Variants in GRM7 observed in about 807,000 individuals in gnomAD.
GRM7 encodes the protein glutamate metabotropic receptor 7.
Under a neutral mutation model 84.5 loss-of-function variants are expected in GRM7, and 35 were observed. The observed-to-expected ratio is 0.41, with a 90% CI of 0.32 to 0.55. The LOEUF (loss-of-function observed/expected upper bound fraction) is 0.55. GRM7 is among the 20% of genes least tolerant of loss of function. The pLI is 0.19. For synonymous variants in GRM7, 487 were observed against 455.1 expected (o/e 1.07, Z -0.89); for missense variants, 1,003 against 1,194.6 (o/e 0.84, Z 2.36).
chr3:7,269,175 T>C (rs1698760918), intron 2 of GRM7, among the ~76,000 whole-genome samples: 1 of 152,188 alleles, frequency 6.6e-6, no homozygotes, highest in Non-Finnish European at 1.5e-5. Context: ...GTTTTGCCTA[T>C]CATTATCTGG....
At chr3:7,497,940 A>G (rs1243336706) in intron 7 of GRM7, among the ~76,000 whole-genome samples, 1 of 152,340 alleles carries the variant, frequency 6.6e-6, no homozygotes, top group Non-Finnish European at 1.5e-5. Context: ...CTAACAATCA[A>G]TAATAATTGT....
At chr3:6,892,995 A>G (rs1380288164) in intron 1 of GRM7, 1 of 151,254 alleles carries the variant, frequency 6.6e-6, no homozygotes, top group Non-Finnish European at 1.5e-5. Context: ...GATGATGATA[A>G]TGATGATGAT....
intron 4 of GRM7, among the ~76,000 whole-genome samples, chr3:7,354,055 C>T (rs1045756889): frequency 6.6e-6 from 1 of 151,308 alleles, no homozygotes; most frequent in Non-Finnish European, 1.5e-5. Context: ...GTTGAGTCAG[C>T]TTATAGACCC....
At chr3:7,318,658 A>AT (rs150199267) in intron 4 of GRM7, among the ~76,000 whole-genome samples, 2,413 of 152,142 alleles carry the variant, frequency 0.016, 81 homozygotes, top group African/African-American at 0.055. Flanking sequence ...TAAGATGGGC[A>AT]TTTTTTAGGC....
At chr3:7,422,504 C>A (rs1696438143) in intron 5 of GRM7, among the ~76,000 whole-genome samples, 1 of 152,140 alleles carries the variant, frequency 6.6e-6, no homozygotes, top group South Asian at 2.1e-4. Context: ...GGAGCTTATA[C>A]CAGCATTTAA....
Position 7,259,953 on chromosome 3 carries a change from G to GTTTTTTTTTTTTTTTTTTTTTTTTTTTT in GRM7, c.737-38719_737-38718insTTTTTTTTTTTTTTTTTTTTTTTTTTTT, listed in dbSNP as rs1164961076. ...TTTCTCTGCAACCTTACCAGCATCT[G>GTTTTTTTTTTTTTTTTTTTTTTTTTTTT]TTTTTTTTTTTTGACGTTTTAATAA... On this transcript the variant is annotated intron_variant, in intron 2 of 9. Transcript: ENST00000357716. Among the ~76,000 whole-genome samples the GTTTTTTTTTTTTTTTTTTTTTTTTTTTT allele has an allele frequency of 3.3e-5, 3 of 89,668 alleles. 1 individual carries two copies. The highest frequency in any genetic ancestry group is 1.8e-4 in the African/African-American group (3 of 17,046). 58.8% of individuals were successfully genotyped at this position (89,668 alleles called of 152,430 possible).
At chr3:6,966,823 G>C (rs1693537668) in intron 1 of GRM7, among the ~76,000 whole-genome samples, 1 of 152,168 alleles carries the variant, frequency 6.6e-6, no homozygotes, top group Admixed American at 6.5e-5. Flanking sequence ...GTAAGAGCAG[G>C]AGTTTTGGAG....
At chr3:7,685,080 T>C (rs577792553) in intron 9 of GRM7, among the ~76,000 whole-genome samples, 2 of 152,308 alleles carry the variant, frequency 1.3e-5, no homozygotes, top group South Asian at 4.2e-4. Context: ...GGCAAACTTG[T>C]AGATGCCAGA....
chr3:7,196,708 C>G (rs1476454978), intron 2 of GRM7, among the ~76,000 whole-genome samples: 1 of 152,096 alleles, frequency 6.6e-6, no homozygotes, highest in African/African-American at 2.4e-5. Flanking sequence ...ATTTTTGCAT[C>G]AAATACCCTT....
intron 5 of GRM7, among the ~76,000 whole-genome samples, chr3:7,419,554 C>T (rs1696311599): frequency 1.3e-5 from 2 of 152,094 alleles, no homozygotes; most frequent in Non-Finnish European, 2.9e-5. Flanking sequence ...ATCTTAGCTC[C>T]CAAATGCATT....
In GRM7 at chr3:7,492,497, TGTTG is replaced by T. The variant is rs965218912; in HGVS notation, c.1515+30784_1515+30787del. 5.3e-5 allele frequency among the ~76,000 whole-genome samples: 8 copies of T among 152,252 alleles called. No homozygotes were observed. In the East Asian group the frequency reaches 9.7e-4, roughly 18 times the overall value. ...GTTGCTGTATTTATGAGAATGAAGC[TGTTG>T]GTTGGTTGTTGTTCTATTTACCTAT... On this transcript the variant is annotated intron_variant, in intron 7 of 9. Transcript: ENST00000357716.
At chr3:7,148,220 G>T (rs965584196) in intron 2 of GRM7, among the ~76,000 whole-genome samples, 2 of 152,022 alleles carry the variant, frequency 1.3e-5, no homozygotes, top group Non-Finnish European at 2.9e-5. Context: ...TTCTTTCTTT[G>T]TTTTTCTGAA....
At chr3:7,340,750 A>C (rs936374807) in intron 4 of GRM7, among the ~76,000 whole-genome samples, 7 of 152,206 alleles carry the variant, frequency 4.6e-5, no homozygotes, top group Admixed American at 3.9e-4. Flanking sequence ...GGAACAAATA[A>C]ATATCCATGA....
At chr3:7,104,023 C>T (rs1196187600) in intron 1 of GRM7, among the ~76,000 whole-genome samples, 3 of 151,474 alleles carry the variant, frequency 2.0e-5, no homozygotes, top group African/African-American at 4.8e-5. Context: ...GCCCTAAACC[C>T]CAATGTGAAG....
chr3:7,554,401 G>A (rs1387679815), intron 7 of GRM7, among the ~76,000 whole-genome samples: 1 of 152,138 alleles, frequency 6.6e-6, no homozygotes. Context: ...CTAGTCGCTT[G>A]CTATGGTGGT....
At chr3:6,923,899 T>G (rs1210196034) in intron 1 of GRM7, among the ~76,000 whole-genome samples, 2 of 152,246 alleles carry the variant, frequency 1.3e-5, no homozygotes, top group African/African-American at 4.8e-5. Context: ...TTCACAGACA[T>G]GTTCACATTT....
At chr3:7,327,009 A>G (rs1701015034) in intron 4 of GRM7, among the ~76,000 whole-genome samples, 1 of 152,194 alleles carries the variant, frequency 6.6e-6, no homozygotes, top group Non-Finnish European at 1.5e-5. Flanking sequence ...TTATGAGACT[A>G]CAGATGGCAT....
At chr3:7,024,912 A>G (rs974042860) in intron 1 of GRM7, among the ~76,000 whole-genome samples, 1 of 152,200 alleles carries the variant, frequency 6.6e-6, no homozygotes, top group Non-Finnish European at 1.5e-5. Flanking sequence ...AAACGATGTA[A>G]ATGTATTATC....
At chr3:7,275,995 A>C (rs1699037815) in intron 2 of GRM7, among the ~76,000 whole-genome samples, 1 of 152,026 alleles carries the variant, frequency 6.6e-6, no homozygotes. Context: ...TGCTCTGGTA[A>C]GCTGTGATTC....
Sources: allele counts gnomAD v4.1 joint callset (sites outside exome capture counted in the v4.1 genomes callset), GRCh38; gene constraint gnomAD v4.1.1; transcripts MANE v1.5; gene names NCBI Gene and HGNC (gene_info 2026-07-23, HGNC 2026-07-21).